The following SLC28A3 variants were observed in gnomAD, a reference collection of about 807,000 sequenced individuals.
SLC28A3 encodes concentrative Na(+)-nucleoside cotransporter 3.
A neutral mutation model predicts 84.2 loss-of-function variants in SLC28A3; 68 were observed. The observed-to-expected ratio is 0.81, with a 90% CI of 0.66 to 0.99. The LOEUF is 0.99. Ranked by LOEUF, SLC28A3 falls within the 50% of genes least tolerant of loss-of-function variation. SLC28A3 has a pLI of 0.00. For missense variants in SLC28A3, 712 were observed against 841.5 expected (o/e 0.85, Z 1.90); for synonymous variants, 267 against 303.6 (o/e 0.88, Z 1.25).
At chr9:84,316,932 T>C (rs10118014) in intron 1 of SLC28A3, among the ~76,000 whole-genome samples, 16,243 of 151,832 alleles carry the variant, frequency 0.11, 2,839 homozygotes, top group African/African-American at 0.37. Context: ...ACCAGGGAAG[T>C]GGAGGTTGCA....
rs929315783 is a variant in SLC28A3, at chr9:84,285,384, A to G, written c.1608T>C (p.Gly536=). Residue 536 remains glycine, a synonymous_variant, in exon 14 of 18, where the codon GGT becomes GGC. Transcript: ENST00000376238. ...GCACACCGTTTACAAATTTGGGTCC[A>G]CCTTCTTTCCTCAAGTGGATCCATT... The part of the protein sequence containing the change: ...LSKWIHLRKE[G]GPKFVNGVQQ... 11 of 1,613,958 alleles carry G rather than the reference A, an allele frequency of 6.8e-6. No individual in the cohort carries two copies. Among genetic ancestry groups the G allele is most frequent in the African/African-American group, 6.7e-5 (5 of 74,934 alleles).
chr9:84,330,163 GA>G (rs879881773), intron 1 of SLC28A3, among the ~76,000 whole-genome samples: 4 of 149,146 alleles, frequency 2.7e-5, no homozygotes, highest in South Asian at 2.1e-4. Context: ...TTACTTAAGG[GA>G]AAAAAAAAGC....
intron 3 of SLC28A3, among the ~76,000 whole-genome samples, chr9:84,309,117 TG>T (rs1212389525): frequency 6.6e-5 from 10 of 152,314 alleles, no homozygotes; most frequent in African/African-American, 2.4e-4. Flanking sequence ...CAGTTTGAAT[TG>T]GCCACATTGA....
rs779883780 is a variant in SLC28A3 at position 84,299,669 on chromosome 9, G to T, written c.581C>A (p.Ala194Asp). The T allele has an allele frequency of 6.2e-7, 1 of 1,613,678 alleles. No individual in the cohort carries two copies. Among genetic ancestry groups the T allele is most frequent in the South Asian group, 1.1e-5 (1 of 90,932 alleles). ...AVIFWLAFDT[A>D]KLGQQQLVSF... is the part of the protein sequence containing the mutation. ...CACCAGCTGCTGTTGACCCAATTTG[G>T]CAGTGTCAAAGGCCAACCAGAAAAT... Residue 194 changes from alanine to aspartate, a missense_variant, in exon 6 of 18, where the codon GCC becomes GAC. Ala to Asp is a moderately radical substitution (Grantham distance 126). Coordinates refer to ENST00000376238, the MANE Select transcript of SLC28A3 (RefSeq NM_001199633.2).
chr9:84,285,463 A>C lies in SLC28A3; in HGVS notation c.1529T>G (p.Leu510Arg). The C allele has an allele frequency of 6.2e-7, 1 of 1,614,224 alleles. No homozygotes were observed. The highest frequency in any genetic ancestry group is 8.5e-7 in the Non-Finnish European group (1 of 1,180,032). ...ATTGAAGAAGGTCTTATAACCTATGAGTCTGGCAACCATAAAGCTGTCCTG... is the reference window on the plus strand; with the variant it reads ...ATTGAAGAAGGTCTTATAACCTATGCGTCTGGCAACCATAAAGCTGTCCTG... ...EWQDSFMVAR[L>R]IGYKTFFNEF... Residue 510 changes from leucine to arginine, a missense_variant, in exon 14 of 18, where the codon CTC becomes CGC. By Grantham distance (102) the Leu-to-Arg change is moderately radical (BLOSUM62 -2). Coordinates refer to ENST00000376238, the MANE Select transcript of SLC28A3 (RefSeq NM_001199633.2).
intron 14 of SLC28A3, among the ~76,000 whole-genome samples, chr9:84,281,694 C>T (rs1484230417): frequency 1.3e-5 from 2 of 152,186 alleles, no homozygotes; most frequent in Non-Finnish European, 2.9e-5. Context: ...TATTAAATAG[C>T]CTCATGCTGG....
At chr9:84,361,351 G>T in the SLC28A3 span, among the ~76,000 whole-genome samples, 1 of 152,084 alleles carries the variant, frequency 6.6e-6, no homozygotes, top group Non-Finnish European at 1.5e-5. Flanking sequence ...CTCAAAAAAA[G>T]GTTAAACATG....
intron 9 of SLC28A3, among the ~76,000 whole-genome samples, chr9:84,293,230 G>A (rs1007465531): frequency 5.9e-5 from 9 of 152,196 alleles, no homozygotes; most frequent in African/African-American, 2.2e-4. Flanking sequence ...GGATGTATTT[G>A]AGGTTTGGTC....
At chr9:84,360,002 C>CAAAA in the SLC28A3 span, among the ~76,000 whole-genome samples, 11 of 56,230 alleles carry the variant, frequency 2.0e-4, no homozygotes, top group Middle Eastern at 9.1e-3. Context: ...AACTCTGTCT[C>CAAAA]AAAAAAAAAA....
chr9:84,338,847 C>A (rs1357104256), intron 1 of SLC28A3, among the ~76,000 whole-genome samples: 1 of 152,072 alleles, frequency 6.6e-6, no homozygotes, highest in Non-Finnish European at 1.5e-5. Context: ...CATTTTGGCA[C>A]AAGAATATTT....
the SLC28A3 span, among the ~76,000 whole-genome samples, chr9:84,355,093 TCAC>T: frequency 0.016 from 2,403 of 152,248 alleles, 62 homozygotes; most frequent in African/African-American, 0.055. Context: ...TGGAATTAAA[TCAC>T]TGGTTGGGTA....
At chr9:84,323,328 C>T (rs1026579233) in intron 1 of SLC28A3, among the ~76,000 whole-genome samples, 4 of 152,136 alleles carry the variant, frequency 2.6e-5, no homozygotes, top group Non-Finnish European at 5.9e-5. Context: ...AGATGAGTTG[C>T]CTAAATGGTG....
Position 84,309,523 on chromosome 9 carries a change from C to CAAAAA in SLC28A3, c.242+101_242+105dup, listed in dbSNP as rs71366931. ...GGGTGACAAAGTGAGACTCTTATCTCAAAAAAAAAAAAAAAAAAAAAAAAA... is the reference window on the plus strand; with the variant it reads ...GGGTGACAAAGTGAGACTCTTATCTCAAAAAAAAAAAAAAAAAAAAAAAAAAAAAA... On this transcript the variant is annotated intron_variant, in intron 3 of 17. Transcript: ENST00000376238. The CAAAAA allele has an allele frequency of 9.3e-4, 223 of 239,254 alleles. 6 individuals are homozygous for CAAAAA. In the African/African-American group the frequency reaches 0.011, roughly 11 times the overall value. 14.8% of individuals were successfully genotyped at this position (239,254 alleles called of 1,614,324 possible).
In SLC28A3 at chr9:84,294,295, C is replaced by T. The variant is rs1464348724; in HGVS notation, c.862-20G>A. ...CAGGACCTGTGGGGACAGAAACAAA[C>T]ATGGATTAATGATGGGTCCAGCTGC... On this transcript the variant is annotated intron_variant, in intron 8 of 17. Transcript: ENST00000376238. 6.2e-7 allele frequency: 1 copy of T among 1,613,506 alleles called. No homozygotes were observed. The highest frequency in any genetic ancestry group is 1.7e-5 in the Admixed American group (1 of 60,012).
At chr9:84,295,927 G>A (rs1363606932) in intron 8 of SLC28A3, among the ~76,000 whole-genome samples, 1 of 152,266 alleles carries the variant, frequency 6.6e-6, no homozygotes, top group East Asian at 1.9e-4. Context: ...GCTCACTCAC[G>A]ATGAGCCTTT....
At chr9:84,356,778 C>T in the SLC28A3 span, among the ~76,000 whole-genome samples, 1 of 151,966 alleles carries the variant, frequency 6.6e-6, no homozygotes, top group African/African-American at 2.4e-5. Flanking sequence ...TTGCAGTGAG[C>T]TGAGATCACG....
At chr9:84,328,968 C>T (rs1826676672) in intron 1 of SLC28A3, among the ~76,000 whole-genome samples, 1 of 151,982 alleles carries the variant, frequency 6.6e-6, no homozygotes, top group South Asian at 2.1e-4. Flanking sequence ...ATCCCATGAT[C>T]CAAATATATG....
chr9:84,297,097 A>T, intron 8 of SLC28A3, 124 bp downstream of exon 8: 1 of 644,150 alleles, frequency 1.6e-6, no homozygotes, highest in Non-Finnish European at 2.6e-6. Flanking sequence ...GATGTATTGC[A>T]CACCTCTGAC....
At position 84,313,367 on chromosome 9, in the gene SLC28A3, T is replaced by C; in HGVS notation, c.148A>G (p.Thr50Ala). Residue 50 changes from threonine to alanine, a missense_variant, in exon 2 of 18, where the codon ACC (threonine) becomes GCC (alanine). Thr to Ala is a moderately conservative substitution (Grantham distance 58). Transcript: ENST00000376238. ...CCACAGTCTTGCTGTACCTGTTTGG[T>C]GTTTGTGTGCTCCCTGCTTTGCACA... The part of the protein sequence containing the change: ...RAVQSREHTN[T>A]KQDEEQVTVE... 1 of 1,614,018 alleles carries C rather than the reference T, an allele frequency of 6.2e-7. No homozygotes were observed. The highest frequency in any genetic ancestry group is 2.2e-5 in the East Asian group (1 of 44,868).
Sources: gnomAD v4.1 joint callset for allele counts (sites outside exome capture counted in the v4.1 genomes callset) on GRCh38, gnomAD v4.1.1 for gene constraint, MANE v1.5 for transcripts, NCBI Gene and HGNC (gene_info 2026-07-23, HGNC 2026-07-21) for gene names.